The following CNTNAP2 variants were observed in gnomAD, a reference collection of about 807,000 sequenced individuals.
CNTNAP2 encodes the protein contactin associated protein 2.
A neutral mutation model predicts 155.2 loss-of-function variants in CNTNAP2; 98 were observed. The observed-to-expected ratio is 0.63, with a 90% CI of 0.54 to 0.75. CNTNAP2 has a LOEUF of 0.75. Among genes scored for constraint, CNTNAP2 ranks in the 30% least tolerant of loss-of-function variants. The pLI is 0.00. For synonymous variants in CNTNAP2, 651 were observed against 631.2 expected, an observed-to-expected ratio of 1.03 and a Z score of -0.47; for missense variants, 1,727 against 1,688.1, an observed-to-expected ratio of 1.02 and a Z score of -0.40.
intron 1 of CNTNAP2, among the ~76,000 whole-genome samples, chr7:146,236,206 A>C (rs561685930): frequency 6.6e-6 from 1 of 152,280 alleles, no homozygotes; most frequent in East Asian, 1.9e-4. Flanking sequence ...AAGAGTCAAA[A>C]TGACCAGGAT....
chr7:147,592,478 G>GTTT (rs34713058), intron 12 of CNTNAP2, among the ~76,000 whole-genome samples: 20,482 of 143,746 alleles, frequency 0.14, 1,713 homozygotes, highest in East Asian at 0.31. Flanking sequence ...GTTGTTTCTG[G>GTTT]TTTTTTTTTT....
At chr7:147,317,930 A>G (rs1452554390) in intron 9 of CNTNAP2, among the ~76,000 whole-genome samples, 1 of 151,436 alleles carries the variant, frequency 6.6e-6, no homozygotes. Flanking sequence ...CTTCTTACCT[A>G]GTTTTGTACC....
intron 9 of CNTNAP2, among the ~76,000 whole-genome samples, chr7:147,328,364 A>C (rs35636206): frequency 0.19 from 29,371 of 152,142 alleles, 3,137 homozygotes; most frequent in Non-Finnish European, 0.24. Context: ...TCAACAACTA[A>C]TATAGCTGGA....
chr7:148,294,747 A>C (rs1344416753), intron 21 of CNTNAP2, among the ~76,000 whole-genome samples: 1 of 152,144 alleles, frequency 6.6e-6, no homozygotes, highest in Non-Finnish European at 1.5e-5. Flanking sequence ...AAAACAAAAA[A>C]CTTTTATGAA....
intron 1 of CNTNAP2, among the ~76,000 whole-genome samples, chr7:146,411,688 C>A (rs2129111169): frequency 6.6e-6 from 1 of 150,574 alleles, no homozygotes; most frequent in East Asian, 2.0e-4. Flanking sequence ...GATTCACAAC[C>A]ATTAGAAGTT....
At chr7:147,572,136 C>A (rs1800306552) in intron 12 of CNTNAP2, among the ~76,000 whole-genome samples, 2 of 152,212 alleles carry the variant, frequency 1.3e-5, no homozygotes, top group Non-Finnish European at 2.9e-5. Flanking sequence ...GTAAAGAACT[C>A]TTCTCCGTAA....
At chr7:147,534,754 T>G (rs947560249) in intron 11 of CNTNAP2, among the ~76,000 whole-genome samples, 7 of 152,196 alleles carry the variant, frequency 4.6e-5, no homozygotes, top group African/African-American at 1.4e-4. Flanking sequence ...ATTCTCACAA[T>G]CAAGATGAAG....
chr7:147,310,936 A>G (rs1346655307), intron 9 of CNTNAP2, among the ~76,000 whole-genome samples: 1 of 152,104 alleles, frequency 6.6e-6, no homozygotes, highest in Non-Finnish European at 1.5e-5. Context: ...CAAAGAAACA[A>G]TCCAGGAGTA....
At chr7:148,011,334 T>C (rs1285367539) in intron 15 of CNTNAP2, among the ~76,000 whole-genome samples, 1 of 152,246 alleles carries the variant, frequency 6.6e-6, no homozygotes, top group Non-Finnish European at 1.5e-5. Context: ...TTGCTGATTA[T>C]ACATCATTAT....
intron 8 of CNTNAP2, among the ~76,000 whole-genome samples, chr7:147,171,226 A>T (rs1288072924): frequency 6.6e-6 from 1 of 152,004 alleles, no homozygotes; most frequent in East Asian, 1.9e-4. Flanking sequence ...GCATTCAGGC[A>T]CCTCCCACAG....
intron 3 of CNTNAP2, among the ~76,000 whole-genome samples, chr7:146,857,571 C>T (rs141517396): frequency 4.1e-4 from 62 of 152,206 alleles, no homozygotes; most frequent in African/African-American, 1.4e-3. Flanking sequence ...TGGTGTTCTC[C>T]AGAAAATAGA....
At chr7:147,383,243 A>T (rs753665731) in intron 9 of CNTNAP2, among the ~76,000 whole-genome samples, 17 of 152,174 alleles carry the variant, frequency 1.1e-4, no homozygotes, top group Admixed American at 2.0e-4. Context: ...CATAAAAATT[A>T]ATGCATTCAT....
At chr7:146,398,458 G>C (rs573116383) in intron 1 of CNTNAP2, among the ~76,000 whole-genome samples, 6 of 152,130 alleles carry the variant, frequency 3.9e-5, no homozygotes, top group Middle Eastern at 3.4e-3. Context: ...GGAAATCCCT[G>C]ATTACCTCCC....
intron 16 of CNTNAP2, among the ~76,000 whole-genome samples, chr7:148,123,656 GAA>G (rs2116617465): frequency 6.7e-6 from 1 of 149,666 alleles, no homozygotes; most frequent in African/African-American, 2.5e-5. Context: ...AGGAAGGAAG[GAA>G]GGAAGGAAGG....
At chr7:147,675,759 A>T (rs1344685866) in intron 13 of CNTNAP2, among the ~76,000 whole-genome samples, 1 of 152,046 alleles carries the variant, frequency 6.6e-6, no homozygotes, top group Admixed American at 6.6e-5. Flanking sequence ...GCGTTTGGGC[A>T]TGTATTTTAG....
chr7:147,990,382 C>T (rs1801689813), intron 15 of CNTNAP2, among the ~76,000 whole-genome samples: 2 of 152,144 alleles, frequency 1.3e-5, no homozygotes, highest in African/African-American at 4.8e-5. Context: ...CTCTCTCTTA[C>T]AGACTAAGAG....
chr7:146,178,032 TTTTTA>T (rs1224157339), intron 1 of CNTNAP2, among the ~76,000 whole-genome samples: 9 of 152,028 alleles, frequency 5.9e-5, no homozygotes, highest in African/African-American at 2.2e-4. Flanking sequence ...TTTATTTTTA[TTTTTA>T]TTTTTTTATT....
chr7:147,600,948 G>T (rs1433067341), intron 12 of CNTNAP2, among the ~76,000 whole-genome samples: 1 of 152,126 alleles, frequency 6.6e-6, no homozygotes, highest in Non-Finnish European at 1.5e-5. Context: ...GTAGAAATTA[G>T]ATTTAAATTT....
At chr7:146,632,942 C>CAA (rs71165021) in intron 1 of CNTNAP2, among the ~76,000 whole-genome samples, 4,011 of 144,954 alleles carry the variant, frequency 0.028, 185 homozygotes, top group African/African-American at 0.094. Flanking sequence ...AATTGGTAAG[C>CAA]AAAAAAAAAA....
Sources: gnomAD v4.1 joint callset for allele counts (sites outside exome capture counted in the v4.1 genomes callset) on GRCh38, gnomAD v4.1.1 for gene constraint, MANE v1.5 for transcripts, NCBI Gene and HGNC (gene_info 2026-07-23, HGNC 2026-07-21) for gene names.